LRBA: variants seen among roughly 807,000 people sequenced by gnomAD.
The protein encoded by LRBA is lipopolysaccharide-responsive and beige-like anchor protein.
Under a neutral mutation model 330.0 loss-of-function variants are expected in LRBA, and 176 were observed. That is an observed-to-expected ratio of 0.53 (90% CI 0.47 to 0.60). LRBA has a LOEUF of 0.60. Among genes scored for constraint, LRBA ranks in the 20% least tolerant of loss-of-function variants. LRBA has a pLI of 0.00. For synonymous variants in LRBA, 1,230 were observed against 1,193.0 expected, an observed-to-expected ratio of 1.03 and a Z score of -0.64; for missense variants, 3,259 against 3,444.8, an observed-to-expected ratio of 0.95 and a Z score of 1.35.
chr4:150,974,577 T>A (rs530318933), intron 2 of LRBA, among the ~76,000 whole-genome samples: 1 of 152,286 alleles, frequency 6.6e-6, no homozygotes, highest in Non-Finnish European at 1.5e-5. Context: ...CTACACTATA[T>A]CTACCATTGC....
At chr4:150,275,570 A>G (rs1434085003) in intron 56 of LRBA, among the ~76,000 whole-genome samples, 1 of 152,232 alleles carries the variant, frequency 6.6e-6, no homozygotes, top group East Asian at 1.9e-4. Context: ...GCTGATAGGC[A>G]ACTTCAGCAA....
intron 53 of LRBA, among the ~76,000 whole-genome samples, chr4:150,302,017 C>G (rs977017582): frequency 4.8e-4 from 73 of 152,228 alleles, no homozygotes; most frequent in African/African-American, 1.7e-3. Context: ...TTAATGGTAG[C>G]TGCTTCCTTT....
At chr4:150,666,052 C>T (rs955101262) in intron 37 of LRBA, among the ~76,000 whole-genome samples, 12 of 151,718 alleles carry the variant, frequency 7.9e-5, no homozygotes, top group Non-Finnish European at 1.5e-5. Flanking sequence ...CAATGACTGC[C>T]TAGGGGCAGG....
At chr4:150,292,934 T>C (rs1249792590) in intron 53 of LRBA, among the ~76,000 whole-genome samples, 1 of 152,068 alleles carries the variant, frequency 6.6e-6, no homozygotes, top group African/African-American at 2.4e-5. Flanking sequence ...TTTTCTTCAT[T>C]AGTAAAAATG....
At chr4:150,271,414 C>G (rs1009464196) in intron 56 of LRBA, among the ~76,000 whole-genome samples, 1 of 151,502 alleles carries the variant, frequency 6.6e-6, no homozygotes, top group African/African-American at 2.4e-5. Flanking sequence ...GCCAAGTGGT[C>G]TGGCTCGGTG....
At chr4:150,349,923 G>T in intron 48 of LRBA, 69 bp downstream of exon 48, 2 of 1,331,404 alleles carry the variant, frequency 1.5e-6, no homozygotes, top group Admixed American at 1.8e-5. Flanking sequence ...GATGGGGGAG[G>T]TGTTCTCTAG....
intron 2 of LRBA, among the ~76,000 whole-genome samples, chr4:150,942,323 G>A (rs1307683138): frequency 2.0e-5 from 3 of 152,052 alleles, no homozygotes; most frequent in South Asian, 2.1e-4. Context: ...ATTTAGTCTC[G>A]TATAAGAAAT....
Position 150,749,495 on chromosome 4 carries a change from C to G in LRBA, c.5645+12288G>C, listed in dbSNP as rs533854091. On this transcript the variant is annotated intron_variant, in intron 35 of 56. Transcript: ENST00000651943. ...GAAAAGACAACCCCAGTGACTCATGCCTATAATTCCTGCACTTTGGGAGGC... is the reference window on the plus strand; with the variant it reads ...GAAAAGACAACCCCAGTGACTCATGGCTATAATTCCTGCACTTTGGGAGGC... Among the ~76,000 whole-genome samples, 55 of 152,300 alleles carry G rather than the reference C, an allele frequency of 3.6e-4. No individual in the cohort carries two copies. In the South Asian group the frequency reaches 0.011, roughly 32 times the overall value.
In LRBA at chr4:150,694,462, C is replaced by CAAAAA. The variant is rs58558446; in HGVS notation, c.5755-10750_5755-10746dup. 4.9e-4 allele frequency among the ~76,000 whole-genome samples: 35 copies of CAAAAA among 71,036 alleles called. 2 individuals are homozygous for CAAAAA. In the South Asian group the frequency reaches 0.012, roughly 24 times the overall value. The allele number at this position is 71,036 out of a possible 152,430, so 46.6% of individuals were successfully genotyped here. A position where few individuals can be genotyped will look rare whatever the true frequency, so the allele number is the denominator to read the frequency against. On this transcript the variant is annotated intron_variant, in intron 36 of 56. Transcript: ENST00000651943. Reference sequence around the variant, plus strand: ...CCTTACCTTAAAGTGTGATCTTTAACAAAAAAAAAAAAAAGCTATCTACAG... The same window carrying CAAAAA: ...CCTTACCTTAAAGTGTGATCTTTAACAAAAAAAAAAAAAAAAAAAGCTATCTACAG...
At position 150,300,827 on chromosome 4, in the gene LRBA, G is replaced by A. The variant is rs544856758; in HGVS notation, c.8017+1798C>T. ...TAAGGCATACTTAACTTTCTGAAAT[G>A]CAATAGTAATTACATACAAGTGTAG... On this transcript the variant is annotated intron_variant, in intron 53 of 56. Coordinates refer to ENST00000651943, the MANE Select transcript of LRBA (RefSeq NM_001364905.1). Among the ~76,000 whole-genome samples, 6 of 152,130 alleles carry A rather than the reference G, an allele frequency of 3.9e-5. No individual in the cohort carries two copies. In the South Asian group the frequency reaches 1.2e-3, roughly 31 times the overall value.
intron 47 of LRBA, among the ~76,000 whole-genome samples, chr4:150,372,273 G>T (rs923720689): frequency 5.9e-5 from 9 of 151,952 alleles, no homozygotes; most frequent in African/African-American, 2.2e-4. Flanking sequence ...CAAAGTAGGT[G>T]CACCAAACCA....
chr4:150,967,469 C>T (rs1217325187), intron 2 of LRBA, among the ~76,000 whole-genome samples: 1 of 152,220 alleles, frequency 6.6e-6, no homozygotes, highest in Non-Finnish European at 1.5e-5. Flanking sequence ...AACGACATTT[C>T]CAGATAAAAC....
intron 4 of LRBA, among the ~76,000 whole-genome samples, chr4:150,922,417 T>A (rs1250265740): frequency 2.0e-5 from 3 of 147,812 alleles, no homozygotes; most frequent in African/African-American, 7.5e-5. Flanking sequence ...TATATATATA[T>A]GATGGAATAC....
intron 42 of LRBA, among the ~76,000 whole-genome samples, chr4:150,479,662 C>T (rs1305014121): frequency 6.6e-6 from 1 of 152,062 alleles, no homozygotes; most frequent in East Asian, 1.9e-4. Context: ...ATTTAGTGAC[C>T]CACTTGTAAA....
intron 36 of LRBA, among the ~76,000 whole-genome samples, chr4:150,699,314 T>C (rs769415480): frequency 8.5e-5 from 13 of 152,066 alleles, no homozygotes; most frequent in Non-Finnish European, 1.6e-4. Context: ...CAATATCTAG[T>C]ATTGTTTTGT....
intron 47 of LRBA, among the ~76,000 whole-genome samples, chr4:150,394,871 G>C (rs534272312): frequency 3.3e-5 from 5 of 152,182 alleles, no homozygotes; most frequent in Non-Finnish European, 7.4e-5. Flanking sequence ...TCCCACCCAA[G>C]ACCAGTGAGT....
chr4:150,824,019 G>A (rs1250572969), intron 30 of LRBA, among the ~76,000 whole-genome samples: 1 of 151,886 alleles, frequency 6.6e-6, no homozygotes, highest in Non-Finnish European at 1.5e-5. Flanking sequence ...GATTGCTTTG[G>A]GTAGCATGAA....
chr4:150,285,428 G>A (rs1748025276), intron 54 of LRBA, among the ~76,000 whole-genome samples: 1 of 152,214 alleles, frequency 6.6e-6, no homozygotes. Flanking sequence ...ACCAGCTTAA[G>A]TATCTTTCTA....
chr4:150,919,825 C>T (rs1156928993), intron 5 of LRBA, among the ~76,000 whole-genome samples: 3 of 152,148 alleles, frequency 2.0e-5, no homozygotes, highest in African/African-American at 7.2e-5. Context: ...CTTCAAGTTT[C>T]AAAAGCTGTT....
Sources: allele counts gnomAD v4.1 joint callset (sites outside exome capture counted in the v4.1 genomes callset), GRCh38; gene constraint gnomAD v4.1.1; transcripts MANE v1.5; gene names NCBI Gene and HGNC (gene_info 2026-07-23, HGNC 2026-07-21).